The following TOB2 variants were observed in gnomAD, a reference collection of about 807,000 sequenced individuals.
The protein encoded by TOB2 is transducer of ERBB2, 2, also known as protein Tob2.
TOB2 carries 3 observed loss-of-function variants against 17.3 expected under a neutral mutation model. That is an observed-to-expected ratio of 0.17 (90% CI 0.08 to 0.45). The LOEUF (loss-of-function observed/expected upper bound fraction) is 0.45. Ranked by LOEUF, TOB2 falls within the 20% of genes least tolerant of loss-of-function variation. The pLI, the probability that TOB2 is intolerant of heterozygous loss-of-function variation, is 0.99. For missense variants in TOB2, 407 were observed against 445.7 expected (o/e 0.91, Z 0.78); for synonymous variants, 163 against 185.6 (o/e 0.88, Z 0.99).
chr22:41,436,342 T>A lies in TOB2; in HGVS notation c.1004A>T (p.Gln335Leu), dbSNP rs768927116. The A allele has an allele frequency of 3.4e-5, 55 of 1,596,452 alleles. No homozygotes were observed. Among genetic ancestry groups the A allele is most frequent in the Non-Finnish European group, 4.6e-5 (54 of 1,170,358 alleles). Residue 335 changes from glutamine to leucine, a missense_variant, in exon 2 of 2, where the codon CAG (glutamine) becomes CTG (leucine). Coordinates refer to ENST00000327492, the MANE Select transcript of TOB2 (RefSeq NM_016272.4). This position sits in a 1 kb window ranked among gnomAD's most constrained non-coding sequence, Gnocchi z 4.8. ...YNLNTMQYPS[Q>L]QFQPVVLAN Reference sequence around the variant, plus strand: ...GGCCAGCACCACGGGCTGGAACTGCTGGCTGGGATACTGCATGGTGTTCAG... The same window carrying A: ...GGCCAGCACCACGGGCTGGAACTGCAGGCTGGGATACTGCATGGTGTTCAG...
intron 1 of TOB2, among the ~76,000 whole-genome samples, chr22:41,446,133 C>G (rs1601855297): frequency 6.6e-6 from 1 of 152,274 alleles, no homozygotes; most frequent in East Asian, 1.9e-4. Flanking sequence ...GAGGGCCACT[C>G]TTGGAACTGG....
At chr22:41,445,140 G>A (rs1192225221) in intron 1 of TOB2, among the ~76,000 whole-genome samples, 1 of 152,218 alleles carries the variant, frequency 6.6e-6, no homozygotes, top group Non-Finnish European at 1.5e-5. Flanking sequence ...ATTTCTAATC[G>A]AAGACTGAGT....
At position 41,433,577 on chromosome 22, in the gene TOB2, G is replaced by T; in HGVS notation, c.*2734C>A. ...CAGATTTGATCAATCTTTTTGTTTTGTTTTTAAACTAAAATCTCTAAACAC... is the reference window on the plus strand; with the variant it reads ...CAGATTTGATCAATCTTTTTGTTTTTTTTTTAAACTAAAATCTCTAAACAC... On this transcript the variant is annotated 3_prime_UTR_variant, in exon 2 of 2. Transcript: ENST00000327492. The T allele has an allele frequency of 5.1e-6, 1 of 197,488 alleles. No individual in the cohort carries two copies. The highest frequency in any genetic ancestry group is 1.1e-5 in the Non-Finnish European group (1 of 92,208). The allele number at this position is 197,488 out of a possible 1,614,324, so 12.2% of individuals were successfully genotyped here.
rs535986703 is a variant in TOB2, at chr22:41,434,798, G to C, written c.*1513C>G. 1.3e-5 allele frequency: 2 copies of C among 152,626 alleles called. No homozygotes were observed. Among genetic ancestry groups the C allele is most frequent in the African/African-American group, 4.8e-5 (2 of 41,532 alleles). 9.5% of individuals were successfully genotyped at this position (152,626 alleles called of 1,614,324 possible). On this transcript the variant is annotated 3_prime_UTR_variant, in exon 2 of 2. Transcript: ENST00000327492. ...TGGCCTCCTAGAGTTGGAGGAACAA[G>C]CCCTCTCCTGGCAGAGGCAGGAGAG...
rs759155005 is a variant in TOB2 at position 41,436,394 on chromosome 22, G to C, written c.952C>G (p.Pro318Ala). The change falls in exon 2 of 2, where the codon CCC becomes GCC. Residue 318 changes from proline to alanine, a missense_variant. Physicochemically the swap from Pro to Ala is conservative, Grantham distance 27. Coordinates refer to ENST00000327492, the MANE Select transcript of TOB2 (RefSeq NM_016272.4). The surrounding 1 kb of genome is among the most constrained non-coding windows in gnomAD (Gnocchi z 4.8). ...TTGTAGCTGAGGCCTTCCACAAAGG[G>C]TGTCTTCTCCAGGAAGAGGCTGTTG... is the stretch of plus-strand genomic sequence containing the variant. The part of the protein sequence containing the change: ...GANSLFLEKT[P>A]FVEGLSYNLN... 16 of 1,613,962 alleles carry C rather than the reference G, an allele frequency of 9.9e-6. No individual in the cohort carries two copies. The Admixed American group carries it at 2.3e-4, about 24-fold the overall frequency.
chr22:41,440,568 T>C (rs1373506949), intron 1 of TOB2, among the ~76,000 whole-genome samples: 1 of 147,170 alleles, frequency 6.8e-6, no homozygotes, highest in Non-Finnish European at 1.5e-5. Context: ...CCACCACACC[T>C]GGCTTTTTTT....
At chr22:41,437,555 C>A in intron 1 of TOB2, 148 bp from the exon 2 acceptor site, 1 of 927,226 alleles carries the variant, frequency 1.1e-6, no homozygotes, top group South Asian at 2.1e-5. Flanking sequence ...ACTGTGGGCC[C>A]CAGTTTCCTC....
intron 1 of TOB2, among the ~76,000 whole-genome samples, chr22:41,444,598 A>C (rs1157784335): frequency 6.6e-6 from 1 of 152,228 alleles, no homozygotes; most frequent in Non-Finnish European, 1.5e-5. Flanking sequence ...CGGTAAGGGG[A>C]GCCGACCGAG....
Position 41,446,614 on chromosome 22 carries a change from G to A in TOB2, c.-298C>T, listed in dbSNP as rs942258152. 6.6e-6 allele frequency: 1 copy of A among 152,300 alleles called. No individual in the cohort carries two copies. The highest frequency in any genetic ancestry group is 6.5e-5 in the Admixed American group (1 of 15,282). The allele number at this position is 152,300 out of a possible 1,614,324, so 9.4% of individuals were successfully genotyped here. ...TCGGGCTCGGCAGCGGGGGGCCCGA[G>A]GGCGGGCGGGCGGACTAGCGGCGAC... On this transcript the variant is annotated 5_prime_UTR_variant, in exon 1 of 2. Coordinates refer to ENST00000327492, the MANE Select transcript of TOB2 (RefSeq NM_016272.4).
At chr22:41,438,369 C>G (rs1054969726) in intron 1 of TOB2, among the ~76,000 whole-genome samples, 2 of 152,026 alleles carry the variant, frequency 1.3e-5, no homozygotes, top group African/African-American at 2.4e-5. Context: ...TGGCTCATGC[C>G]TGTAATCCCA....
Position 41,433,960 on chromosome 22 carries a change from T to A in TOB2, c.*2351A>T. The A allele has an allele frequency of 4.2e-6, 1 of 235,610 alleles. No individual in the cohort carries two copies. Among genetic ancestry groups the A allele is most frequent in the South Asian group, 5.5e-5 (1 of 18,184 alleles). The allele number at this position is 235,610 out of a possible 1,614,324, so 14.6% of individuals were successfully genotyped here. ...TGAAAAAATATGTTTCTCTCATCTT[T>A]TTAAGAAAAAATCTTGAAAAGAAAA... On this transcript the variant is annotated 3_prime_UTR_variant, in exon 2 of 2. Transcript: ENST00000327492.
rs778275328 is a variant in TOB2 at position 41,437,168 on chromosome 22, T to G, written c.178A>C (p.Ile60Leu). 2.5e-6 allele frequency: 4 copies of G among 1,614,130 alleles called. No individual in the cohort carries two copies. The highest frequency in any genetic ancestry group is 3.4e-6 in the Non-Finnish European group (4 of 1,180,036). The change falls in exon 2 of 2, where the codon ATT becomes CTT. Residue 60 changes from isoleucine (I) to leucine (L), a missense_variant. Coordinates refer to ENST00000327492, the MANE Select transcript of TOB2 (RefSeq NM_016272.4). ...ACCACGGGGTCCACCATCTCCCCAA[T>G]GTGAACACAGCGGAAGCCAGAGCCT... ...LKGSGFRCVH[I>L]GEMVDPVVEL...
At chr22:41,442,235 A>C (rs2037628594) in intron 1 of TOB2, among the ~76,000 whole-genome samples, 1 of 152,210 alleles carries the variant, frequency 6.6e-6, no homozygotes, top group African/African-American at 2.4e-5. Flanking sequence ...TACTTCTCCC[A>C]AGGTACTGCA....
At chr22:41,438,481 T>G (rs2037578112) in intron 1 of TOB2, among the ~76,000 whole-genome samples, 1 of 150,292 alleles carries the variant, frequency 6.7e-6, no homozygotes, top group African/African-American at 2.4e-5. Flanking sequence ...ATACAAAAAA[T>G]TAGCCGAGCA....
chr22:41,445,168 G>T (rs1281554531), intron 1 of TOB2, among the ~76,000 whole-genome samples: 1 of 152,220 alleles, frequency 6.6e-6, no homozygotes. Context: ...TCCGGGAGAG[G>T]GAAATAGGAA....
Position 41,436,492 on chromosome 22 carries a change from G to A in TOB2, c.854C>T (p.Pro285Leu), listed in dbSNP as rs770458013. Reference protein sequence around the residue: ...ADGQGSGTPGPFGGSGAGTCN... With the variant: ...ADGQGSGTPGLFGGSGAGTCN... ...GGTGCCAGCCCCACTGCCTCCAAAC[G>A]GGCCTGGGGTGCCGCTGCCCTGGCC... is the stretch of plus-strand genomic sequence containing the variant. The change falls in exon 2 of 2, where the codon CCG becomes CTG. Residue 285 changes from proline to leucine, a missense_variant. By Grantham distance (98) the Pro-to-Leu change is moderately conservative. Transcript: ENST00000327492. The surrounding 1 kb of genome is among the most constrained non-coding windows in gnomAD (Gnocchi z 4.8). The A allele has an allele frequency of 3.0e-5, 49 of 1,613,670 alleles. No homozygotes were observed. The highest frequency in any genetic ancestry group is 3.9e-5 in the Non-Finnish European group (46 of 1,179,854).
At chr22:41,444,932 G>A (rs2037665506) in intron 1 of TOB2, among the ~76,000 whole-genome samples, 1 of 152,174 alleles carries the variant, frequency 6.6e-6, no homozygotes, top group South Asian at 2.1e-4. Flanking sequence ...GTGTGGGGTT[G>A]CTGGATGGAC....
At chr22:41,440,635 C>T (rs1478718683) in intron 1 of TOB2, among the ~76,000 whole-genome samples, 2 of 145,218 alleles carry the variant, frequency 1.4e-5, no homozygotes, top group African/African-American at 5.2e-5. Flanking sequence ...GGCGTGATCT[C>T]GACTCACTGC....
In TOB2 at chr22:41,435,431, A is replaced by G. The variant is rs2037534716; in HGVS notation, c.*880T>C. 6.6e-6 allele frequency: 1 copy of G among 152,140 alleles called. No individual in the cohort carries two copies. Among genetic ancestry groups the G allele is most frequent in the South Asian group, 2.1e-4 (1 of 4,830 alleles). The allele number at this position is 152,140 out of a possible 1,614,324, so 9.4% of individuals were successfully genotyped here. A position where few individuals can be genotyped will look rare whatever the true frequency, so the allele number is the denominator to read the frequency against. On this transcript the variant is annotated 3_prime_UTR_variant, in exon 2 of 2. Transcript: ENST00000327492. ...CGACCCAGAATCACATCCAGAAGGG[A>G]AGTTTCACATGGCTTGGAATCCTTT...
Sources: gnomAD v4.1 joint callset for allele counts (sites outside exome capture counted in the v4.1 genomes callset) on GRCh38, gnomAD v4.1.1 for gene constraint, Gnocchi (gnomAD v3.1) non-coding constraint, MANE v1.5 for transcripts, NCBI Gene and HGNC (gene_info 2026-07-23, HGNC 2026-07-21) for gene names.